Variants in RERE observed in about 807,000 individuals in gnomAD.
RERE encodes the protein arginine-glutamic acid dipeptide repeats, also known as arginine-glutamic acid dipeptide repeats protein.
Under a neutral mutation model 146.1 loss-of-function variants are expected in RERE, and 40 were observed. That is an observed-to-expected ratio of 0.27 (90% CI 0.21 to 0.36). The LOEUF is 0.36. RERE is among the 10% of genes least tolerant of loss of function. The probability of loss-of-function intolerance (pLI) is 1.00; values close to 1 mark genes in which losing one functional copy is unlikely to be tolerated. For synonymous variants in RERE, 1,003 were observed against 866.0 expected, an observed-to-expected ratio of 1.16 and a Z score of -2.78; for missense variants, 1,933 against 2,138.7, an observed-to-expected ratio of 0.90 and a Z score of 1.90.
chr1:8,568,663 G>T (rs1646181452), intron 4 of RERE, among the ~76,000 whole-genome samples: 1 of 152,106 alleles, frequency 6.6e-6, no homozygotes, highest in Non-Finnish European at 1.5e-5. Flanking sequence ...ACCAGATGCA[G>T]CCCCTTGACC....
intron 1 of RERE, among the ~76,000 whole-genome samples, chr1:8,724,605 G>T (rs1365980347): frequency 6.6e-6 from 1 of 152,012 alleles, no homozygotes; most frequent in African/African-American, 2.4e-5. Flanking sequence ...CCAGCACTTC[G>T]GGAGGCTGAG....
intron 1 of RERE, among the ~76,000 whole-genome samples, chr1:8,791,188 G>A (rs1050197128): frequency 2.0e-5 from 3 of 152,118 alleles, no homozygotes; most frequent in African/African-American, 4.8e-5. Context: ...CCACAATAAA[G>A]GTAGCTGCCT....
At chr1:8,439,946 C>T (rs1423417214) in intron 11 of RERE, among the ~76,000 whole-genome samples, 10 of 152,024 alleles carry the variant, frequency 6.6e-5, no homozygotes, top group East Asian at 3.9e-4. Context: ...TGGTGGCAAA[C>T]GCCTGTAATC....
At chr1:8,418,270 C>A (rs1384505833) in intron 12 of RERE, among the ~76,000 whole-genome samples, 1 of 152,172 alleles carries the variant, frequency 6.6e-6, no homozygotes, top group Non-Finnish European at 1.5e-5. Context: ...TGTCAATGCA[C>A]CACCAACTGG....
chr1:8,742,279 C>T (rs1640324338), intron 1 of RERE, among the ~76,000 whole-genome samples: 1 of 152,134 alleles, frequency 6.6e-6, no homozygotes, highest in Admixed American at 6.5e-5. Flanking sequence ...GCACTCTGAC[C>T]CATATGAAAT....
At chr1:8,732,705 C>T (rs1445683538) in intron 1 of RERE, among the ~76,000 whole-genome samples, 1 of 151,742 alleles carries the variant, frequency 6.6e-6, no homozygotes, top group African/African-American at 2.4e-5. Context: ...ACAGATAAGC[C>T]ACACTCATGC....
rs142431301 is a variant in RERE, at chr1:8,586,248, G to C, written c.522+28313C>G. Among the ~76,000 whole-genome samples, 11 of 152,132 alleles carry C rather than the reference G, an allele frequency of 7.2e-5. No homozygotes were observed. In the East Asian group the frequency reaches 1.9e-3, roughly 27 times the overall value. ...ATATCATATGCATAACTAAACTATA[G>C]TGTACAGACATCTACACCTGGGTGA... On this transcript the variant is annotated intron_variant, in intron 4 of 22. Transcript: ENST00000400908.
At chr1:8,500,455 G>A (rs1026929822) in intron 8 of RERE, among the ~76,000 whole-genome samples, 2 of 152,346 alleles carry the variant, frequency 1.3e-5, no homozygotes, top group South Asian at 2.1e-4. Context: ...CGAGTGATCC[G>A]CCAGCCTCGG....
intron 12 of RERE, among the ~76,000 whole-genome samples, chr1:8,408,081 A>T (rs1570165489): frequency 6.6e-6 from 1 of 152,212 alleles, no homozygotes; most frequent in Non-Finnish European, 1.5e-5. Context: ...ATGCAAACAC[A>T]GAGGGAGAAC....
At chr1:8,391,486 C>T (rs1388883600) in intron 12 of RERE, among the ~76,000 whole-genome samples, 1 of 152,174 alleles carries the variant, frequency 6.6e-6, no homozygotes, top group African/African-American at 2.4e-5. Flanking sequence ...ACTTTTTCAG[C>T]TTCCCCTGAG....
At chr1:8,541,403 C>A in intron 6 of RERE, 85 bp from the exon 7 acceptor site, 1 of 760,372 alleles carries the variant, frequency 1.3e-6, no homozygotes. Flanking sequence ...GGAGGAAGCA[C>A]TGAACTAAGT....
intron 8 of RERE, among the ~76,000 whole-genome samples, chr1:8,501,036 G>GGA (rs1645135417): frequency 7.7e-6 from 1 of 129,626 alleles, no homozygotes. Flanking sequence ...CCGGGAGGGG[G>GGA]GGGGGGGGTC....
intron 22 of RERE, 32 bp downstream of exon 22, chr1:8,355,387 C>T (rs1480437386): frequency 3.7e-6 from 6 of 1,605,158 alleles, no homozygotes; most frequent in African/African-American, 1.3e-5. Flanking sequence ...GCTCAGATAA[C>T]CCCTCCACTC....
In RERE at chr1:8,361,037, G is replaced by C. The variant is rs1185422922; in HGVS notation, c.2470C>G (p.Pro824Ala). The C allele has an allele frequency of 7.0e-7, 1 of 1,438,680 alleles. No homozygotes were observed. 89.1% of individuals were successfully genotyped at this position (1,438,680 alleles called of 1,614,324 possible). ...PHPPPHPSPHPPLQPLTGSAG... is the reference protein window; with the variant it reads ...PHPPPHPSPHAPLQPLTGSAG... ...GACCCAGTCAGAGGCTGCAGCGGGG[G>C]ATGTGGCGAGGGATGCGGCGGGGGA... Residue 824 changes from proline (P) to alanine (A), a missense_variant, in exon 18 of 23, where the codon CCC becomes GCC. By Grantham distance (27) the Pro-to-Ala change is conservative (BLOSUM62 -1). Around this residue, in one of 11 missense-constraint regions of RERE, gnomAD observed 1,255 missense variants for 1,153.8 expected, o/e 1.09. Coordinates refer to ENST00000400908, the MANE Select transcript of RERE (RefSeq NM_001042681.2).
chr1:8,525,725 A>G, intron 7 of RERE: 1 of 1,572,094 alleles, frequency 6.4e-7, no homozygotes, highest in South Asian at 1.2e-5. Context: ...AAAACCCATC[A>G]CTGTTTCGGT....
At chr1:8,697,388 C>T (rs902084885) in intron 1 of RERE, among the ~76,000 whole-genome samples, 1 of 133,028 alleles carries the variant, frequency 7.5e-6, no homozygotes, top group East Asian at 2.3e-4. Flanking sequence ...CACACCCCCC[C>T]CACACAACTT....
chr1:8,364,352 T>G lies in RERE; in HGVS notation c.1541-97A>C. 2 of 1,058,724 alleles carry G rather than the reference T, an allele frequency of 1.9e-6. No homozygotes were observed. Among genetic ancestry groups the G allele is most frequent in the Middle Eastern group, 2.3e-4 (1 of 4,266 alleles). 65.6% of individuals were successfully genotyped at this position (1,058,724 alleles called of 1,614,324 possible). ...CCCTTCTGTGGGCTCTACCCAAACC[T>G]GATGCCACCAGCACCATGCAGCCCT... On this transcript the variant is annotated intron_variant, in intron 14 of 22. Coordinates refer to ENST00000400908, the MANE Select transcript of RERE (RefSeq NM_001042681.2). This position sits in a 1 kb window ranked among gnomAD's most constrained non-coding sequence, Gnocchi z 5.1.
intron 11 of RERE, among the ~76,000 whole-genome samples, chr1:8,460,527 A>C (rs1047102167): frequency 6.6e-6 from 1 of 152,220 alleles, no homozygotes; most frequent in African/African-American, 2.4e-5. Flanking sequence ...ATCCATGTAC[A>C]TGGCCAATTA....
intron 10 of RERE, among the ~76,000 whole-genome samples, chr1:8,467,154 C>T (rs72636945): frequency 0.03 from 4,616 of 152,328 alleles, 90 homozygotes; most frequent in Middle Eastern, 0.051. Flanking sequence ...ACACAGAGAT[C>T]CCCGTTCTCA....
Sources: allele counts gnomAD v4.1 joint callset (sites outside exome capture counted in the v4.1 genomes callset), GRCh38; gene constraint gnomAD v4.1.1; regional missense constraint gnomAD v4.1.1; non-coding constraint Gnocchi (gnomAD v3.1); transcripts MANE v1.5; gene names NCBI Gene and HGNC (gene_info 2026-07-23, HGNC 2026-07-21).